EDEM3: variants seen among roughly 807,000 people sequenced by gnomAD.
EDEM3 encodes ER degradation-enhancing alpha-mannosidase-like protein 3.
EDEM3 carries 60 observed loss-of-function variants against 110.2 expected under a neutral mutation model. That is an observed-to-expected ratio of 0.54 (90% CI 0.44 to 0.67). The LOEUF is 0.67. Ranked by LOEUF, EDEM3 falls within the 30% of genes least tolerant of loss-of-function variation. The pLI is 0.00. For synonymous variants in EDEM3, 352 were observed against 382.9 expected (o/e 0.92, Z 0.94); for missense variants, 996 against 1,121.0 (o/e 0.89, Z 1.59).
At chr1:184,698,188 G>C (rs1233798570) in intron 19 of EDEM3, among the ~76,000 whole-genome samples, 2 of 151,750 alleles carry the variant, frequency 1.3e-5, no homozygotes, top group African/African-American at 4.8e-5. Flanking sequence ...GATGTGAATT[G>C]CTACAACCTT....
chr1:184,711,931 AT>A (rs35621191), intron 14 of EDEM3, 54 bp from the exon 15 acceptor site: 79,718 of 995,268 alleles, frequency 0.08, 30 homozygotes, highest in South Asian at 0.12. Flanking sequence ...ACTTAACATA[AT>A]TTTTTTTTTT....
chr1:184,741,767 AT>A (rs1652154272), intron 2 of EDEM3, among the ~76,000 whole-genome samples: 1 of 152,208 alleles, frequency 6.6e-6, no homozygotes, highest in African/African-American at 2.4e-5. Flanking sequence ...TATAACGGGT[AT>A]TGTAGTTCTC....
In EDEM3 at chr1:184,692,923, C is replaced by A. The variant is rs575969104; in HGVS notation, c.*1140G>T. On this transcript the variant is annotated 3_prime_UTR_variant, in exon 20 of 20. Coordinates refer to ENST00000318130, the MANE Select transcript of EDEM3 (RefSeq NM_025191.4). ...TATCAGAAGGAATATCTGTTAAAAA[C>A]AAAAACAAAAACCATGATTCAACAG... The A allele has an allele frequency of 1.3e-3, 201 of 152,592 alleles. 1 individual carries two copies. Among genetic ancestry groups the A allele is most frequent in the African/African-American group, 4.7e-3 (195 of 41,316 alleles). 9.5% of individuals were successfully genotyped at this position (152,592 alleles called of 1,614,324 possible).
In EDEM3 at chr1:184,708,253, G is replaced by A; in HGVS notation, c.1937C>T (p.Pro646Leu). Residue 646 changes from proline (P) to leucine (L), a missense_variant, in exon 17 of 20, where the codon CCT becomes CTT. Physicochemically the swap from Pro to Leu is moderately conservative, Grantham distance 98. This residue lies in a region of EDEM3 where 345 missense variants were observed against 402.0 expected (regional missense o/e 0.86). Coordinates refer to ENST00000318130, the MANE Select transcript of EDEM3 (RefSeq NM_025191.4). Reference sequence around the variant, plus strand: ...GGAAACAATTTGTACAGCTCGTGGAGGCAGCTGCTGTTCTTTTTGTTGCTG... The same window carrying A: ...GGAAACAATTTGTACAGCTCGTGGAAGCAGCTGCTGTTCTTTTTGTTGCTG... ...SSQQQKEQQLPPRAVQIVSHP... is the reference protein window; with the variant it reads ...SSQQQKEQQLLPRAVQIVSHP... 1 of 1,613,492 alleles carries A rather than the reference G, an allele frequency of 6.2e-7. No homozygotes were observed. The highest frequency in any genetic ancestry group is 8.5e-7 in the Non-Finnish European group (1 of 1,179,818).
chr1:184,740,748 C>T (rs994290292), intron 2 of EDEM3, among the ~76,000 whole-genome samples: 1 of 152,156 alleles, frequency 6.6e-6, no homozygotes, highest in African/African-American at 2.4e-5. Flanking sequence ...TTTTAGCTGA[C>T]CATGGGAATG....
Position 184,750,069 on chromosome 1 carries a change from C to T in EDEM3, c.159-477G>A, listed in dbSNP as rs75202026. ...GGTGTGTAGTGACATGAAATAACAA[C>T]GCTTTATGAAGCCTCTGCCTTTGCA... On this transcript the variant is annotated intron_variant, in intron 1 of 19. Coordinates refer to ENST00000318130, the MANE Select transcript of EDEM3 (RefSeq NM_025191.4). Among the ~76,000 whole-genome samples, 954 of 152,260 alleles carry T rather than the reference C, an allele frequency of 6.3e-3. 10 individuals are homozygous for T. The highest frequency in any genetic ancestry group is 0.027 in the Middle Eastern group (8 of 294).
chr1:184,707,929 A>G (rs547788892), intron 17 of EDEM3, among the ~76,000 whole-genome samples: 1 of 152,362 alleles, frequency 6.6e-6, no homozygotes, highest in Admixed American at 6.5e-5. Flanking sequence ...GAAATTGAAT[A>G]GAACCTGAAT....
At chr1:184,713,255 A>C (rs897939032) in intron 13 of EDEM3, among the ~76,000 whole-genome samples, 4 of 152,130 alleles carry the variant, frequency 2.6e-5, no homozygotes, top group African/African-American at 9.7e-5. Context: ...TGACAGAGCA[A>C]GACTCCGACT....
At chr1:184,752,396 ATCAAAGT>A (rs1348619582) in intron 1 of EDEM3, among the ~76,000 whole-genome samples, 4 of 152,212 alleles carry the variant, frequency 2.6e-5, no homozygotes, top group African/African-American at 9.7e-5. Context: ...AACCTAATGA[ATCAAAGT>A]TCAGTTTTCT....
rs144035602 is a variant in EDEM3, at chr1:184,712,534, C to G, written c.1435G>C (p.Asp479His). 32 of 1,596,892 alleles carry G rather than the reference C, an allele frequency of 2.0e-5. No homozygotes were observed. In the South Asian group the frequency reaches 3.3e-4, roughly 16 times the overall value. ...YLYLLFADKE[D>H]IIFDIEDYIF... Reference sequence around the variant, plus strand: ...TAATCTTCTATGTCAAAAATAATGTCTTCTTTATCAGCAAATAACAGGTAA... The same window carrying G: ...TAATCTTCTATGTCAAAAATAATGTGTTCTTTATCAGCAAATAACAGGTAA... Residue 479 changes from aspartate (D) to histidine (H), a missense_variant, in exon 14 of 20, where the codon GAC becomes CAC. Around this residue, in one of 5 missense-constraint regions of EDEM3, gnomAD observed 138 missense variants for 124.3 expected, o/e 1.11. Transcript: ENST00000318130.
chr1:184,702,681 C>A, intron 19 of EDEM3, 130 bp downstream of exon 19: 1 of 568,704 alleles, frequency 1.8e-6, no homozygotes, highest in South Asian at 4.8e-5. Context: ...ATTTTGAAAT[C>A]ATCTTCTAAA....
In EDEM3 at chr1:184,697,532, G is replaced by A. The variant is rs552303798; in HGVS notation, c.2390-3060C>T. Among the ~76,000 whole-genome samples the A allele has an allele frequency of 2.1e-3, 318 of 151,854 alleles. 1 individual carries two copies. Among genetic ancestry groups the A allele is most frequent in the African/African-American group, 7.3e-3 (301 of 41,480 alleles). On this transcript the variant is annotated intron_variant, in intron 19 of 19. Coordinates refer to ENST00000318130, the MANE Select transcript of EDEM3 (RefSeq NM_025191.4). Reference sequence around the variant, plus strand: ...ATAAACACATTAGTAGAAGAGAAGGGTAAGTCTAGAAGCAGATCCAACTAT... The same window carrying A: ...ATAAACACATTAGTAGAAGAGAAGGATAAGTCTAGAAGCAGATCCAACTAT...
Position 184,712,616 on chromosome 1 carries a change from A to G in EDEM3, c.1371-18T>C. Reference sequence around the variant, plus strand: ...AATCCATTCTAAAATAAAAAGTCACAAATAAATATAAGTAGATAAAAATAA... The same window carrying G: ...AATCCATTCTAAAATAAAAAGTCACGAATAAATATAAGTAGATAAAAATAA... On this transcript the variant is annotated intron_variant, in intron 13 of 19. Transcript: ENST00000318130. 6.8e-7 allele frequency: 1 copy of G among 1,462,962 alleles called. No individual in the cohort carries two copies. Among genetic ancestry groups the G allele is most frequent in the Non-Finnish European group, 9.3e-7 (1 of 1,079,738 alleles). The allele number at this position is 1,462,962 out of a possible 1,614,324, so 90.6% of individuals were successfully genotyped here.
rs1244352728 is a variant in EDEM3 at position 184,701,334 on chromosome 1, T to G, written c.2389+1477A>C. ...TATAATTATTAGAATTTAAAATTATTATGTGACTGCTGACTAGACATGAAA... is the reference window on the plus strand; with the variant it reads ...TATAATTATTAGAATTTAAAATTATGATGTGACTGCTGACTAGACATGAAA... On this transcript the variant is annotated intron_variant, in intron 19 of 19. Transcript: ENST00000318130. 3.3e-5 allele frequency among the ~76,000 whole-genome samples: 5 copies of G among 152,196 alleles called. No homozygotes were observed. The East Asian group carries it at 9.6e-4, about 29-fold the overall frequency.
At position 184,691,030 on chromosome 1, in the gene EDEM3, T is replaced by C. The variant is rs1158893613; in HGVS notation, c.*3033A>G. On this transcript the variant is annotated 3_prime_UTR_variant, in exon 20 of 20. Coordinates refer to ENST00000318130, the MANE Select transcript of EDEM3 (RefSeq NM_025191.4). Reference sequence around the variant, plus strand: ...TTTTAAAAGCTTCTTGAGAGAGTAATTACATTAGTGAAGTTAAAATCAGAA... The same window carrying C: ...TTTTAAAAGCTTCTTGAGAGAGTAACTACATTAGTGAAGTTAAAATCAGAA... 6.6e-6 allele frequency: 1 copy of C among 152,516 alleles called. No individual in the cohort carries two copies. Among genetic ancestry groups the C allele is most frequent in the African/African-American group, 2.4e-5 (1 of 41,434 alleles). The allele number at this position is 152,516 out of a possible 1,614,324, so 9.4% of individuals were successfully genotyped here.
chr1:184,754,513 C>T lies in EDEM3; in HGVS notation c.134G>A (p.Ser45Asn). The T allele has an allele frequency of 1.2e-6, 2 of 1,613,338 alleles. No individual in the cohort carries two copies. The highest frequency in any genetic ancestry group is 1.1e-5 in the South Asian group (1 of 91,082). The change falls in exon 1 of 20, where the codon AGT becomes AAT. Residue 45 changes from serine to asparagine, a missense_variant. Transcript: ENST00000318130. ...CCCAAGCTTCTGTTTCTCCTCCCTA[C>T]TCATGGGCTCGGCCCCCGCCGTCCA... ...SVWTAGAEPM[S>N]REEKQKLGNQ...
In EDEM3 at chr1:184,754,827, G is replaced by T; in HGVS notation, c.-181C>A. On this transcript the variant is annotated 5_prime_UTR_variant, in exon 1 of 20. Transcript: ENST00000318130. Reference sequence around the variant, plus strand: ...CAAGCCGGTCCCCAGCGCCAGCGCTGCCACCGCCCTCCGCCCTCAGTATCC... The same window carrying T: ...CAAGCCGGTCCCCAGCGCCAGCGCTTCCACCGCCCTCCGCCCTCAGTATCC... 1 of 1,014,334 alleles carries T rather than the reference G, an allele frequency of 9.9e-7. No homozygotes were observed. Among genetic ancestry groups the T allele is most frequent in the Non-Finnish European group, 1.4e-6 (1 of 737,524 alleles). 62.8% of individuals were successfully genotyped at this position (1,014,334 alleles called of 1,614,324 possible).
intron 19 of EDEM3, among the ~76,000 whole-genome samples, chr1:184,698,750 A>G (rs1304235990): frequency 1.3e-5 from 2 of 151,726 alleles, no homozygotes; most frequent in African/African-American, 4.8e-5. Flanking sequence ...CCAGGGGCCA[A>G]CTAAATTTAA....
chr1:184,745,684 A>G (rs1652392232), intron 2 of EDEM3, among the ~76,000 whole-genome samples: 1 of 152,192 alleles, frequency 6.6e-6, no homozygotes, highest in Admixed American at 6.5e-5. Context: ...CTTTGGTTTG[A>G]TTAATAAAGA....
Sources: allele counts gnomAD v4.1 joint callset (sites outside exome capture counted in the v4.1 genomes callset), GRCh38; gene constraint gnomAD v4.1.1; regional missense constraint gnomAD v4.1.1; transcripts MANE v1.5; gene names NCBI Gene and HGNC (gene_info 2026-07-23, HGNC 2026-07-21).